Variants in ZNF560 observed in about 807,000 individuals in gnomAD.
The protein encoded by ZNF560 is zinc finger protein 560.
ZNF560 carries 54 observed loss-of-function variants against 81.8 expected under a neutral mutation model. The ratio of observed to expected loss-of-function variants is 0.66; its 90% CI spans 0.53 to 0.83. The LOEUF (loss-of-function observed/expected upper bound fraction) is 0.83. Ranked by LOEUF, ZNF560 falls within the 40% of genes least tolerant of loss-of-function variation. ZNF560 has a pLI of 0.00. For synonymous variants in ZNF560, 321 were observed against 317.9 expected, an observed-to-expected ratio of 1.01 and a Z score of -0.10; for missense variants, 940 against 932.4, an observed-to-expected ratio of 1.01 and a Z score of -0.11.
chr19:9,461,547 G>A (rs1016748597), downstream of ZNF560, among the ~76,000 whole-genome samples: 1 of 152,196 alleles, frequency 6.6e-6, no homozygotes, highest in African/African-American at 2.4e-5. Context: ...ACATTCATCA[G>A]TGCAGACAGC....
the ZNF560 span, among the ~76,000 whole-genome samples, chr19:9,449,974 CAAAAAAAAAAA>C: frequency 2.3e-5 from 1 of 43,380 alleles, no homozygotes; most frequent in East Asian, 8.6e-4. Context: ...AACTCTGTCT[CAAAAAAAAAAA>C]AAAAAAAAAA....
chr19:9,478,869 C>G (rs1599663176), intron 2 of ZNF560, among the ~76,000 whole-genome samples: 1 of 151,850 alleles, frequency 6.6e-6, no homozygotes, highest in East Asian at 1.9e-4. Context: ...AAAAAAACCC[C>G]ACAAAACTTA....
chr19:9,459,668 G>A, the ZNF560 span, among the ~76,000 whole-genome samples: 1 of 152,184 alleles, frequency 6.6e-6, no homozygotes, highest in Admixed American at 6.5e-5. Flanking sequence ...AGCAGGTGGT[G>A]AGGACGTGTG....
chr19:9,465,593 G>C (rs1274568256), downstream of ZNF560, among the ~76,000 whole-genome samples: 1 of 152,192 alleles, frequency 6.6e-6, no homozygotes, highest in Non-Finnish European at 1.5e-5. Flanking sequence ...AGGGACAAAT[G>C]AGCACTTTGA....
chr19:9,497,887 T>C (rs1484434584), intron 2 of ZNF560, among the ~76,000 whole-genome samples: 4 of 152,340 alleles, frequency 2.6e-5, no homozygotes, highest in East Asian at 1.9e-4. Context: ...ATGAAAAGAA[T>C]GGCTGAGTAT....
At chr19:9,465,493 T>C (rs2073001035), downstream of ZNF560, among the ~76,000 whole-genome samples, 1 of 152,210 alleles carries the variant, frequency 6.6e-6, no homozygotes, top group African/African-American at 2.4e-5. Context: ...ACACAGTGTA[T>C]TGTCAGCAGA....
At chr19:9,504,410 G>A in the ZNF560 span, among the ~76,000 whole-genome samples, 2 of 151,944 alleles carry the variant, frequency 1.3e-5, no homozygotes, top group Non-Finnish European at 2.9e-5. Context: ...CCTCCAGCCT[G>A]GGCAACAGAA....
At chr19:9,475,144 G>A in intron 3 of ZNF560, 140 bp downstream of exon 3, 2 of 811,318 alleles carry the variant, frequency 2.5e-6, no homozygotes, top group South Asian at 3.2e-5. Flanking sequence ...ACTCCCTGGG[G>A]AAATTCAACA....
chr19:9,458,376 AG>A, the ZNF560 span, among the ~76,000 whole-genome samples: 1 of 152,240 alleles, frequency 6.6e-6, no homozygotes, highest in African/African-American at 2.4e-5. Context: ...GTAATGGTAA[AG>A]CCTCTTATTC....
chr19:9,488,435 G>A (rs1038931837), intron 2 of ZNF560, among the ~76,000 whole-genome samples: 3 of 151,994 alleles, frequency 2.0e-5, no homozygotes, highest in Admixed American at 6.6e-5. Flanking sequence ...GGTTTCTGAG[G>A]AGAAAGCCTT....
the ZNF560 span, among the ~76,000 whole-genome samples, chr19:9,446,669 AG>A: frequency 6.6e-6 from 1 of 152,190 alleles, no homozygotes; most frequent in Non-Finnish European, 1.5e-5. Context: ...GCAACAATGA[AG>A]GAATTTTCCA....
At chr19:9,450,304 GAAAA>G in the ZNF560 span, among the ~76,000 whole-genome samples, 1 of 146,946 alleles carries the variant, frequency 6.8e-6, no homozygotes, top group Non-Finnish European at 1.5e-5. Context: ...AAAAAAAACT[GAAAA>G]AAGAAAAGGA....
At chr19:9,451,706 T>C in the ZNF560 span, among the ~76,000 whole-genome samples, 7 of 152,290 alleles carry the variant, frequency 4.6e-5, no homozygotes, top group South Asian at 1.0e-3. Flanking sequence ...TTTCAAATTA[T>C]GCATCTGACA....
intron 4 of ZNF560, 68 bp downstream of exon 4, chr19:9,474,131 T>C: frequency 6.3e-7 from 1 of 1,580,556 alleles, no homozygotes; most frequent in Non-Finnish European, 8.7e-7. Flanking sequence ...AAACCAATTC[T>C]GGAACACAGC....
chr19:9,505,911 A>C, the ZNF560 span, among the ~76,000 whole-genome samples: 1 of 151,090 alleles, frequency 6.6e-6, no homozygotes, highest in Non-Finnish European at 1.5e-5. Context: ...TGATCTGCCC[A>C]CCTCACCCTC....
At chr19:9,458,967 G>A in the ZNF560 span, among the ~76,000 whole-genome samples, 1 of 152,232 alleles carries the variant, frequency 6.6e-6, no homozygotes, top group Non-Finnish European at 1.5e-5. Context: ...ATGCCAATCA[G>A]GAGAGTCTTC....
At chr19:9,506,667 GTTTA>G in the ZNF560 span, among the ~76,000 whole-genome samples, 2 of 151,610 alleles carry the variant, frequency 1.3e-5, no homozygotes, top group Non-Finnish European at 2.9e-5. Flanking sequence ...TCTCTTTTAT[GTTTA>G]TTTGTTTATT....
chr19:9,485,261 T>C (rs932469324), intron 2 of ZNF560, among the ~76,000 whole-genome samples: 12 of 152,124 alleles, frequency 7.9e-5, no homozygotes, highest in African/African-American at 2.4e-4. Context: ...AGTATACAGA[T>C]GCAAAAATCC....
the ZNF560 span, among the ~76,000 whole-genome samples, chr19:9,505,685 G>A: frequency 6.6e-6 from 1 of 151,962 alleles, no homozygotes; most frequent in South Asian, 2.1e-4. Flanking sequence ...ATTTTGTTTT[G>A]TTTTGTTTTG....
Sources: allele counts gnomAD v4.1 joint callset (sites outside exome capture counted in the v4.1 genomes callset), GRCh38; gene constraint gnomAD v4.1.1; transcripts MANE v1.5; gene names NCBI Gene and HGNC (gene_info 2026-07-23, HGNC 2026-07-21).